SLCO2A1: variants seen among roughly 807,000 people sequenced by gnomAD.
SLCO2A1 encodes matrin F/G 1.
Under a neutral mutation model 71.7 loss-of-function variants are expected in SLCO2A1, and 60 were observed. The ratio of observed to expected loss-of-function variants is 0.84; its 90% CI spans 0.68 to 1.04. The LOEUF is 1.04. SLCO2A1 is among the 50% of genes least tolerant of loss of function. The probability of loss-of-function intolerance (pLI) is 0.00; values close to 1 mark genes in which losing one functional copy is unlikely to be tolerated. For synonymous variants in SLCO2A1, 308 were observed against 326.7 expected (o/e 0.94, Z 0.62); for missense variants, 745 against 813.4 (o/e 0.92, Z 1.02).
intron 3 of SLCO2A1, among the ~76,000 whole-genome samples, chr3:133,968,100 A>C (rs1576439174): frequency 2.0e-5 from 2 of 101,928 alleles, no homozygotes; most frequent in Admixed American, 1.1e-4. Flanking sequence ...CCCAACCCTC[A>C]CCCCACAACT....
chr3:133,951,187 C>T, intron 6 of SLCO2A1, 21 bp downstream of exon 6: 2 of 1,613,956 alleles, frequency 1.2e-6, no homozygotes, highest in Non-Finnish European at 1.7e-6. Flanking sequence ...CAGGTAGAGT[C>T]ATGGGCTCTT....
rs550906181 is a variant in SLCO2A1 at position 133,960,210 on chromosome 3, T to C, written c.398-5017A>G. ...TCTGGCAATTCCACTTCTGAGTATA[T>C]ACCCCCAAAAATTGAAAGCAAGGAC... On this transcript the variant is annotated intron_variant, in intron 3 of 13. Transcript: ENST00000310926. Among the ~76,000 whole-genome samples the C allele has an allele frequency of 3.3e-5, 5 of 152,304 alleles. No homozygotes were observed. The East Asian group carries it at 9.6e-4, about 29-fold the overall frequency.
At position 133,945,243 on chromosome 3, in the gene SLCO2A1, T is replaced by C. The variant is rs777219803; in HGVS notation, c.1313A>G (p.His438Arg). Residue 438 changes from histidine (H) to arginine (R), a missense_variant, in exon 10 of 14, where the codon CAT (histidine) becomes CGT (arginine). By Grantham distance (29) the His-to-Arg change is conservative (BLOSUM62 0). Coordinates refer to ENST00000310926, the MANE Select transcript of SLCO2A1 (RefSeq NM_005630.3). Reference protein sequence around the residue: ...VYPPSTSSSIHPQSPACRRDC... With the variant: ...VYPPSTSSSIRPQSPACRRDC... ...CCTGCGGCAGGCAGGAGACTGCGGA[T>C]GTATAGAACTTGATGTGCTGCCAGC... is the stretch of plus-strand genomic sequence containing the variant. The C allele has an allele frequency of 1.2e-6, 2 of 1,604,642 alleles. No homozygotes were observed. The highest frequency in any genetic ancestry group is 3.5e-5 in the Admixed American group (2 of 57,088).
intron 1 of SLCO2A1, among the ~76,000 whole-genome samples, chr3:134,017,414 G>A (rs570659574): frequency 1.3e-4 from 20 of 152,222 alleles, no homozygotes; most frequent in African/African-American, 4.1e-4. Flanking sequence ...CCCAGATTCC[G>A]CAGTGATAAC....
chr3:133,987,142 C>A (rs868454242), intron 1 of SLCO2A1, among the ~76,000 whole-genome samples: 2 of 121,950 alleles, frequency 1.6e-5, no homozygotes, highest in Non-Finnish European at 1.8e-5. Flanking sequence ...CCCCCCCCCC[C>A]GCCCCCGCCC....
In SLCO2A1 at chr3:133,935,895, A is replaced by G; in HGVS notation, c.1693T>C (p.Trp565Arg). The change falls in exon 13 of 14, where the codon TGG (tryptophan) becomes CGG (arginine). Residue 565 changes from tryptophan to arginine, a missense_variant and splice_region_variant. Coordinates refer to ENST00000310926, the MANE Select transcript of SLCO2A1 (RefSeq NM_005630.3). ...CCATAGAGGGCTGGAGATGGCAGCC[A>G]GGCTGGAAGAGGGTTCAGAAAGCCC... ...VQFLLMRLLA[W>R]LPSPALYGLT... The G allele has an allele frequency of 6.3e-7, 1 of 1,591,904 alleles. No homozygotes were observed. The highest frequency in any genetic ancestry group is 8.6e-7 in the Non-Finnish European group (1 of 1,167,732).
chr3:133,976,946 C>A (rs1384370861), intron 2 of SLCO2A1, among the ~76,000 whole-genome samples: 1 of 152,162 alleles, frequency 6.6e-6, no homozygotes, highest in Admixed American at 6.5e-5. Flanking sequence ...AAGGCTTCAC[C>A]TCACCTACTG....
intron 3 of SLCO2A1, among the ~76,000 whole-genome samples, chr3:133,967,151 C>G (rs1167248291): frequency 6.6e-6 from 1 of 152,206 alleles, no homozygotes; most frequent in South Asian, 2.1e-4. Flanking sequence ...ACCCTCCCCC[C>G]AAGCAGACCT....
At chr3:133,957,231 A>G (rs577682406) in intron 3 of SLCO2A1, among the ~76,000 whole-genome samples, 2 of 152,324 alleles carry the variant, frequency 1.3e-5, no homozygotes, top group South Asian at 2.1e-4. Flanking sequence ...GCCCTGAGCT[A>G]GGTGAGCCTA....
chr3:133,998,593 G>A (rs2108068317), intron 1 of SLCO2A1: 1 of 152,372 alleles, frequency 6.6e-6, no homozygotes, highest in South Asian at 2.1e-4. Context: ...GAGCCACGTA[G>A]CTACAGGAAG....
rs1935589179 is a variant in SLCO2A1 at position 134,021,953 on chromosome 3, A to T, written c.96+7754T>A. 2.0e-5 allele frequency among the ~76,000 whole-genome samples: 3 copies of T among 151,120 alleles called. No homozygotes were observed. The South Asian group carries it at 6.4e-4, about 32-fold the overall frequency. The stretch of plus-strand genomic sequence containing the variant: ...AGTAACCCGCAGATGGCCCAAATGC[A>T]TTCAATCTGTAGCTGCAACTGCTTT... On this transcript the variant is annotated intron_variant, in intron 1 of 13. Transcript: ENST00000310926.
intron 3 of SLCO2A1, among the ~76,000 whole-genome samples, chr3:133,964,455 T>C (rs1934118601): frequency 1.3e-5 from 2 of 152,152 alleles, no homozygotes; most frequent in South Asian, 4.1e-4. Context: ...GGGAGAAGCT[T>C]GGAGACAGGC....
chr3:133,955,270 C>T (rs1933855028), intron 3 of SLCO2A1, 77 bp from the exon 4 acceptor site: 20 of 1,319,608 alleles, frequency 1.5e-5, no homozygotes, highest in African/African-American at 2.9e-5. Context: ...CCCGGCCTTT[C>T]TCCCAGGCCC....
intron 3 of SLCO2A1, among the ~76,000 whole-genome samples, chr3:133,963,045 T>C (rs2108049810): frequency 6.6e-6 from 1 of 152,328 alleles, no homozygotes; most frequent in African/African-American, 2.4e-5. Flanking sequence ...CCAGTCTAGT[T>C]TTCACAGGGC....
intron 1 of SLCO2A1, among the ~76,000 whole-genome samples, chr3:134,019,977 G>A (rs914853226): frequency 6.6e-5 from 10 of 152,094 alleles, no homozygotes; most frequent in Admixed American, 5.9e-4. Context: ...CAAGCAGACA[G>A]CCCGGCACCA....
rs1933222968 is a variant in SLCO2A1, at chr3:133,934,708, TG to T, written c.*4del. 6.2e-7 allele frequency: 1 copy of T among 1,606,778 alleles called. No individual in the cohort carries two copies. The highest frequency in any genetic ancestry group is 8.5e-7 in the Non-Finnish European group (1 of 1,173,894). On this transcript the variant is annotated 3_prime_UTR_variant, in exon 14 of 14. Transcript: ENST00000310926. The stretch of plus-strand genomic sequence containing the variant: ...TCTGGAGCAGGGCAGTGGCCCAGGG[TG>T]GGGTCAGATGAGGCCTGCCGCCTTC...
intron 6 of SLCO2A1, among the ~76,000 whole-genome samples, chr3:133,950,589 C>T (rs1933718650): frequency 6.6e-6 from 1 of 152,204 alleles, no homozygotes; most frequent in Non-Finnish European, 1.5e-5. Flanking sequence ...CAAGTGGCCA[C>T]CCAGTCACTG....
intron 1 of SLCO2A1, among the ~76,000 whole-genome samples, chr3:133,997,475 A>G (rs1934992788): frequency 1.3e-5 from 2 of 152,314 alleles, no homozygotes; most frequent in Admixed American, 6.5e-5. Flanking sequence ...GCATTCTTAC[A>G]AAAAGAGGAA....
intron 1 of SLCO2A1, 46 bp downstream of exon 1, chr3:134,029,661 C>T (rs1935781324): frequency 6.7e-7 from 1 of 1,481,942 alleles, no homozygotes; most frequent in Non-Finnish European, 9.1e-7. Context: ...GCCGAAGGTG[C>T]GCCAGGCGCG....
Sources: allele counts gnomAD v4.1 joint callset (sites outside exome capture counted in the v4.1 genomes callset), GRCh38; gene constraint gnomAD v4.1.1; transcripts MANE v1.5; gene names NCBI Gene and HGNC (gene_info 2026-07-23, HGNC 2026-07-21).